The following PTPRG variants were observed in gnomAD, a reference collection of about 807,000 sequenced individuals.
The protein encoded by PTPRG is protein tyrosine phosphatase receptor type G, also known as receptor-type tyrosine-protein phosphatase gamma.
Under a neutral mutation model 165.3 loss-of-function variants are expected in PTPRG, and 102 were observed. That is an observed-to-expected ratio of 0.62 (90% CI 0.53 to 0.73). The LOEUF is 0.73. Ranked by LOEUF, PTPRG falls within the 30% of genes least tolerant of loss-of-function variation. The pLI, the probability that PTPRG is intolerant of heterozygous loss-of-function variation, is 0.00. For synonymous variants in PTPRG, 675 were observed against 669.5 expected (o/e 1.01, Z -0.13); for missense variants, 1,866 against 1,861.4 (o/e 1.00, Z -0.05).
chr3:62,107,055 C>G (rs759648168), intron 5 of PTPRG, among the ~76,000 whole-genome samples: 35 of 152,224 alleles, frequency 2.3e-4, no homozygotes, highest in Admixed American at 2.3e-3. Context: ...CAGGATCTCT[C>G]TCACCTGTAA....
intron 2 of PTPRG, among the ~76,000 whole-genome samples, chr3:61,752,804 A>AAAAAAAAG (rs1359250439): frequency 7.0e-6 from 1 of 143,450 alleles, no homozygotes; most frequent in African/African-American, 2.7e-5. Flanking sequence ...AAAAAAAAGA[A>AAAAAAAAG]AAAAAAAAAG....
At chr3:61,822,460 G>A (rs2035982530) in intron 2 of PTPRG, among the ~76,000 whole-genome samples, 1 of 152,144 alleles carries the variant, frequency 6.6e-6, no homozygotes, top group Non-Finnish European at 1.5e-5. Context: ...TTCACTAATG[G>A]AAGCTTTCAC....
chr3:61,569,088 A>G (rs1370745057), intron 1 of PTPRG, among the ~76,000 whole-genome samples: 1 of 151,996 alleles, frequency 6.6e-6, no homozygotes, highest in South Asian at 2.1e-4. Flanking sequence ...TTGAATGAAA[A>G]CTTCATGTGT....
chr3:62,011,131 C>A (rs542355991), intron 4 of PTPRG, among the ~76,000 whole-genome samples: 1 of 152,306 alleles, frequency 6.6e-6, no homozygotes, highest in East Asian at 1.9e-4. Flanking sequence ...TGGCTCCACC[C>A]CATCCTTCCA....
intron 5 of PTPRG, among the ~76,000 whole-genome samples, chr3:62,117,700 A>G (rs974338987): frequency 1.3e-5 from 2 of 152,244 alleles, no homozygotes; most frequent in African/African-American, 2.4e-5. Context: ...TGGTTAACAT[A>G]GTATTAATAC....
At chr3:61,643,654 C>T (rs959883303) in intron 1 of PTPRG, among the ~76,000 whole-genome samples, 6 of 152,004 alleles carry the variant, frequency 3.9e-5, no homozygotes, top group African/African-American at 1.4e-4. Flanking sequence ...GTGGCGCACG[C>T]CTGTAATCCC....
At chr3:62,161,570 A>G (rs554667768) in intron 7 of PTPRG, among the ~76,000 whole-genome samples, 1 of 152,328 alleles carries the variant, frequency 6.6e-6, no homozygotes, top group East Asian at 1.9e-4. Flanking sequence ...GTGCATGTGA[A>G]TGAAGGAGGT....
chr3:62,021,857 C>CTTTTTTTTTTTTTTTTTTTTTTTTTTTTT (rs398062374), intron 4 of PTPRG, among the ~76,000 whole-genome samples: 1 of 97,094 alleles, frequency 1.0e-5, no homozygotes. Context: ...TTTTCCTTTT[C>CTTTTTTTTTTTTTTTTTTTTTTTTTTTTT]TTTTTTTTTT....
intron 2 of PTPRG, among the ~76,000 whole-genome samples, chr3:61,813,458 T>C (rs774520268): frequency 3.7e-4 from 54 of 145,674 alleles, no homozygotes; most frequent in Non-Finnish European, 6.3e-4. Context: ...AGAGGTTGCG[T>C]TGAGCTGAGA....
At chr3:62,272,867 T>G (rs1462941855) in intron 21 of PTPRG, 79 bp from the exon 22 acceptor site, 6 of 1,384,562 alleles carry the variant, frequency 4.3e-6, no homozygotes, top group Admixed American at 2.6e-5. Context: ...TAAATGGGGT[T>G]TAGATTGGAA....
chr3:61,972,951 G>A (rs565396955), intron 2 of PTPRG, among the ~76,000 whole-genome samples: 1 of 151,910 alleles, frequency 6.6e-6, no homozygotes, highest in Non-Finnish European at 1.5e-5. Context: ...GCATCTCTGT[G>A]CCTGGCCTGG....
chr3:61,635,293 T>C (rs973304497), intron 1 of PTPRG, among the ~76,000 whole-genome samples: 1 of 150,772 alleles, frequency 6.6e-6, no homozygotes, highest in Non-Finnish European at 1.5e-5. Context: ...GCCTTATCAT[T>C]ATGCTGTTTA....
intron 1 of PTPRG, among the ~76,000 whole-genome samples, chr3:61,696,338 C>T (rs1330137994): frequency 1.3e-5 from 2 of 152,114 alleles, no homozygotes; most frequent in Non-Finnish European, 2.9e-5. Context: ...CCTGTCTCTA[C>T]TAAAAATACA....
intron 1 of PTPRG, among the ~76,000 whole-genome samples, chr3:61,701,880 C>T (rs929341294): frequency 9.2e-5 from 14 of 151,470 alleles, no homozygotes; most frequent in Admixed American, 5.9e-4. Flanking sequence ...CAGAGCCAAG[C>T]CCTGTCTAAA....
At chr3:62,025,413 T>A (rs2041782562) in intron 4 of PTPRG, among the ~76,000 whole-genome samples, 1 of 152,218 alleles carries the variant, frequency 6.6e-6, no homozygotes, top group Admixed American at 6.5e-5. Context: ...TGTTTGGAAT[T>A]TTCAATTAAA....
At chr3:61,606,968 A>C (rs962223901) in intron 1 of PTPRG, among the ~76,000 whole-genome samples, 1 of 152,216 alleles carries the variant, frequency 6.6e-6, no homozygotes, top group African/African-American at 2.4e-5. Flanking sequence ...CCAATAACTG[A>C]ACAGGCTCAG....
Position 61,651,466 on chromosome 3 carries a change from C to T in PTPRG, c.85+89094C>T, listed in dbSNP as rs1294811530. Among the ~76,000 whole-genome samples, 4 of 151,894 alleles carry T rather than the reference C, an allele frequency of 2.6e-5. No homozygotes were observed. The East Asian group carries it at 7.7e-4, about 29-fold the overall frequency. The stretch of plus-strand genomic sequence containing the variant: ...TGCTCATGACTAGTGGTTGTTTATC[C>T]TGAACGGGCCTGATGAAGCCTTAGG... On this transcript the variant is annotated intron_variant, in intron 1 of 29. Coordinates refer to ENST00000474889, the MANE Select transcript of PTPRG (RefSeq NM_002841.4).
chr3:62,129,938 G>C (rs773262612), intron 5 of PTPRG, among the ~76,000 whole-genome samples: 2 of 152,190 alleles, frequency 1.3e-5, no homozygotes, highest in Non-Finnish European at 2.9e-5. Context: ...CAAACCGTAA[G>C]CCAGATATAT....
At chr3:61,615,377 G>A (rs908712017) in intron 1 of PTPRG, among the ~76,000 whole-genome samples, 14 of 152,190 alleles carry the variant, frequency 9.2e-5, no homozygotes, top group Non-Finnish European at 5.9e-5. Context: ...CTGTCACTCA[G>A]TTTTGGTTTG....
Sources: gnomAD v4.1 joint callset for allele counts (sites outside exome capture counted in the v4.1 genomes callset) on GRCh38, gnomAD v4.1.1 for gene constraint, MANE v1.5 for transcripts, NCBI Gene and HGNC (gene_info 2026-07-23, HGNC 2026-07-21) for gene names.